The following PDE1C variants were observed in gnomAD, a reference collection of about 807,000 sequenced individuals.
The protein encoded by PDE1C is dual specificity calcium/calmodulin-dependent 3',5'-cyclic nucleotide phosphodiesterase 1C.
PDE1C carries 62 observed loss-of-function variants against 93.1 expected under a neutral mutation model. The ratio of observed to expected loss-of-function variants is 0.67; its 90% CI spans 0.54 to 0.82. The LOEUF (loss-of-function observed/expected upper bound fraction) is 0.82. Among genes scored for constraint, PDE1C ranks in the 40% least tolerant of loss-of-function variants. PDE1C has a pLI of 0.00. For missense variants in PDE1C, 742 were observed against 884.6 expected (o/e 0.84, Z 2.04); for synonymous variants, 325 against 310.1 (o/e 1.05, Z -0.50).
the PDE1C span, chr7:31,655,905 C>G: frequency 1.2e-5 from 12 of 985,506 alleles, no homozygotes; most frequent in Non-Finnish European, 1.3e-5. Flanking sequence ...TGTCCCTCAC[C>G]TGGCAGCCAT....
At chr7:32,069,187 C>T (rs1246502247) in intron 1 of PDE1C, among the ~76,000 whole-genome samples, 1 of 152,226 alleles carries the variant, frequency 6.6e-6, no homozygotes. Flanking sequence ...TAAAGAAACA[C>T]ATACTACCTT....
chr7:31,846,628 T>C (rs1792642969), intron 9 of PDE1C, among the ~76,000 whole-genome samples: 1 of 152,104 alleles, frequency 6.6e-6, no homozygotes. Context: ...AATTGACAAA[T>C]GGGATGTAAT....
At chr7:31,766,824 C>T (rs1384318909) in intron 17 of PDE1C, among the ~76,000 whole-genome samples, 3 of 152,152 alleles carry the variant, frequency 2.0e-5, no homozygotes, top group African/African-American at 7.2e-5. Flanking sequence ...GATTATATGT[C>T]TTTTGGAATA....
chr7:32,102,877 T>C (rs1798105446), intron 3 of PDE1C, among the ~76,000 whole-genome samples: 1 of 152,170 alleles, frequency 6.6e-6, no homozygotes, highest in South Asian at 2.1e-4. Flanking sequence ...CAGCTCTCCC[T>C]TGGCCTCGGT....
chr7:31,637,174 G>A, the PDE1C span, among the ~76,000 whole-genome samples: 1 of 151,904 alleles, frequency 6.6e-6, no homozygotes, highest in Non-Finnish European at 1.5e-5. Flanking sequence ...CTTTGCTATT[G>A]TGAATAGTGC....
intron 3 of PDE1C, among the ~76,000 whole-genome samples, chr7:32,147,984 T>TAAAAAAAA (rs752433564): frequency 1.1e-4 from 9 of 79,718 alleles, no homozygotes; most frequent in African/African-American, 3.4e-4. Flanking sequence ...CCATTTATGC[T>TAAAAAAAA]AAAAAAAAAA....
chr7:32,359,942 C>A (rs1340820527), intron 1 of PDE1C, among the ~76,000 whole-genome samples: 1 of 152,188 alleles, frequency 6.6e-6, no homozygotes, highest in Non-Finnish European at 1.5e-5. Context: ...CACATCCATT[C>A]CTCCATTGAC....
intron 2 of PDE1C, among the ~76,000 whole-genome samples, chr7:31,927,643 A>G (rs1268499183): frequency 6.6e-6 from 1 of 152,172 alleles, no homozygotes; most frequent in Admixed American, 6.5e-5. Context: ...CGCTGGTGAT[A>G]CCCAGGCAAA....
chr7:32,192,759 A>G (rs147824184), intron 2 of PDE1C, among the ~76,000 whole-genome samples: 2 of 152,278 alleles, frequency 1.3e-5, no homozygotes, highest in African/African-American at 4.8e-5. Context: ...AAATCTGCAT[A>G]TAATTATAGG....
intron 3 of PDE1C, among the ~76,000 whole-genome samples, chr7:32,140,048 A>G (rs1443363456): frequency 1.3e-5 from 2 of 152,210 alleles, no homozygotes; most frequent in East Asian, 3.8e-4. Context: ...GTGCAATAAC[A>G]TAAATATTCT....
intron 3 of PDE1C, among the ~76,000 whole-genome samples, chr7:32,124,074 C>A (rs1219715597): frequency 1.3e-5 from 2 of 152,050 alleles, no homozygotes; most frequent in African/African-American, 4.8e-5. Context: ...GACAAGCAGA[C>A]AGCCAAATCA....
intron 1 of PDE1C, among the ~76,000 whole-genome samples, chr7:32,246,287 G>T (rs1056888920): frequency 2.0e-5 from 3 of 152,072 alleles, no homozygotes; most frequent in African/African-American, 7.2e-5. Context: ...TATGAATTTT[G>T]AGGGGCCATA....
chr7:31,931,562 C>T (rs1020135890), intron 2 of PDE1C, among the ~76,000 whole-genome samples: 3 of 152,132 alleles, frequency 2.0e-5, no homozygotes, highest in South Asian at 2.1e-4. Context: ...AGGAGAACTA[C>T]AAACCACTGT....
At chr7:32,399,318 C>T (rs538979347) in intron 1 of PDE1C, among the ~76,000 whole-genome samples, 3 of 152,288 alleles carry the variant, frequency 2.0e-5, no homozygotes, top group Non-Finnish European at 4.4e-5. Context: ...TGGTCAGACC[C>T]TGTAGGATCC....
chr7:32,408,704 G>A (rs766241161), intron 1 of PDE1C, among the ~76,000 whole-genome samples: 6 of 152,092 alleles, frequency 3.9e-5, no homozygotes, highest in Admixed American at 6.6e-5. Context: ...CAGGAGAATC[G>A]CTTGAACCCA....
the PDE1C span, among the ~76,000 whole-genome samples, chr7:31,683,272 T>A: frequency 6.6e-6 from 1 of 152,202 alleles, no homozygotes; most frequent in African/African-American, 2.4e-5. Flanking sequence ...CTCTCTGTAT[T>A]ATTTCTTACA....
At chr7:31,623,777 T>C in the PDE1C span, among the ~76,000 whole-genome samples, 16 of 151,340 alleles carry the variant, frequency 1.1e-4, no homozygotes, top group Admixed American at 3.3e-4. Context: ...CCAGGGCAAT[T>C]AGGCAGGAGA....
At chr7:32,426,128 C>T (rs1785525400) in intron 1 of PDE1C, among the ~76,000 whole-genome samples, 1 of 152,116 alleles carries the variant, frequency 6.6e-6, no homozygotes. Context: ...TTTATAAAAA[C>T]TAAATATGTA....
At chr7:31,931,519 T>C (rs1442328341) in intron 2 of PDE1C, among the ~76,000 whole-genome samples, 1 of 152,064 alleles carries the variant, frequency 6.6e-6, no homozygotes, top group Non-Finnish European at 1.5e-5. Context: ...TACCTAGGAA[T>C]ACAACTTACA....
Sources: allele counts gnomAD v4.1 joint callset (sites outside exome capture counted in the v4.1 genomes callset), GRCh38; gene constraint gnomAD v4.1.1; transcripts MANE v1.5; gene names NCBI Gene and HGNC (gene_info 2026-07-23, HGNC 2026-07-21).